Variants in NUSAP1 observed in about 807,000 individuals in gnomAD.
NUSAP1 encodes the protein nucleolar and spindle associated protein 1.
A neutral mutation model predicts 52.8 loss-of-function variants in NUSAP1; 32 were observed. That is an observed-to-expected ratio of 0.61 (90% CI 0.46 to 0.81). NUSAP1 has a LOEUF of 0.81. Among genes scored for constraint, NUSAP1 ranks in the 40% least tolerant of loss-of-function variants. The pLI is 0.00. For missense variants in NUSAP1, 499 were observed against 522.3 expected, an observed-to-expected ratio of 0.96 and a Z score of 0.43; for synonymous variants, 195 against 183.1, an observed-to-expected ratio of 1.06 and a Z score of -0.52.
intron 1 of NUSAP1, among the ~76,000 whole-genome samples, chr15:41,335,769 G>A (rs571634770): frequency 5.1e-4 from 71 of 139,002 alleles, no homozygotes; most frequent in Non-Finnish European, 6.2e-4. Context: ...TATTTATACC[G>A]GTATAAATAT....
chr15:41,362,357 ATTC>A (rs1406830786), intron 6 of NUSAP1, among the ~76,000 whole-genome samples: 1 of 150,124 alleles, frequency 6.7e-6, no homozygotes, highest in Non-Finnish European at 1.5e-5. Flanking sequence ...CTCAATTATT[ATTC>A]TTATTTATCT....
intron 1 of NUSAP1, among the ~76,000 whole-genome samples, chr15:41,341,517 G>A (rs897218902): frequency 2.0e-5 from 3 of 152,004 alleles, no homozygotes; most frequent in Admixed American, 6.6e-5. Context: ...CTAAGACCCC[G>A]TCACCTTTTG....
rs1272143124 is a variant in NUSAP1, at chr15:41,380,839, C to G, written c.*653C>G. On this transcript the variant is annotated 3_prime_UTR_variant, in exon 11 of 11. Transcript: ENST00000559596. ...AAAGCTACATAGCCCTATCGAAATG[C>G]GAGGATTAATGCTTTAATGCTTTTA... is the stretch of plus-strand genomic sequence containing the variant. 1 of 152,114 alleles carries G rather than the reference C, an allele frequency of 6.6e-6. No individual in the cohort carries two copies. Among genetic ancestry groups the G allele is most frequent in the East Asian group, 1.9e-4 (1 of 5,200 alleles). The allele number at this position is 152,114 out of a possible 1,614,324, so 9.4% of individuals were successfully genotyped here. A position where few individuals can be genotyped will look rare whatever the true frequency, so the allele number is the denominator to read the frequency against.
intron 8 of NUSAP1, among the ~76,000 whole-genome samples, chr15:41,374,207 A>G (rs2049827042): frequency 1.3e-5 from 2 of 152,182 alleles, no homozygotes. Context: ...GGCTGCTATT[A>G]TATAACAAAG....
chr15:41,337,656 C>G (rs2048207764), intron 1 of NUSAP1, among the ~76,000 whole-genome samples: 1 of 152,172 alleles, frequency 6.6e-6, no homozygotes, highest in African/African-American at 2.4e-5. Context: ...TCTTACAAAG[C>G]TTGTGTTCCC....
intron 6 of NUSAP1, among the ~76,000 whole-genome samples, chr15:41,361,330 T>G (rs968060572): frequency 3.3e-5 from 5 of 151,590 alleles, no homozygotes; most frequent in Non-Finnish European, 7.4e-5. Flanking sequence ...GAGGCAGAGG[T>G]TGCGGTGAGC....
chr15:41,380,524 G>A lies in NUSAP1; in HGVS notation c.*338G>A, dbSNP rs1346910297. 5.2e-6 allele frequency: 1 copy of A among 193,046 alleles called. No individual in the cohort carries two copies. Among genetic ancestry groups the A allele is most frequent in the Non-Finnish European group, 1.1e-5 (1 of 93,360 alleles). The allele number at this position is 193,046 out of a possible 1,614,324, so 12.0% of individuals were successfully genotyped here. On this transcript the variant is annotated 3_prime_UTR_variant, in exon 11 of 11. Coordinates refer to ENST00000559596, the MANE Select transcript of NUSAP1 (RefSeq NM_016359.5). ...TTAACAGAACTGCAGTCTTCTGCTA[G>A]CCAATAGCATTTACCTGATGGCAGC...
chr15:41,378,952 T>TTTC (rs2050098792), intron 10 of NUSAP1, among the ~76,000 whole-genome samples: 1 of 104,678 alleles, frequency 9.6e-6, no homozygotes, highest in Non-Finnish European at 1.9e-5. Flanking sequence ...TGGTTTTTTT[T>TTTC]TTTTTTTTTT....
chr15:41,365,776 A>G lies in NUSAP1; in HGVS notation c.848+187A>G, dbSNP rs770760148. ...CGCTCTGTCGCCCAGGCTGGAGTGC[A>G]GTGGCGCAATCTCAGCTCCCTGCAA... On this transcript the variant is annotated intron_variant, in intron 7 of 10. Transcript: ENST00000559596. The G allele has an allele frequency of 5.5e-5, 16 of 290,866 alleles. 1 individual carries two copies. The highest frequency in any genetic ancestry group is 1.1e-3 in the Middle Eastern group (1 of 898). 18.0% of individuals were successfully genotyped at this position (290,866 alleles called of 1,614,324 possible).
Position 41,375,472 on chromosome 15 carries a change from C to A in NUSAP1, c.1007-240C>A, listed in dbSNP as rs116108028. Among the ~76,000 whole-genome samples, 1,036 of 152,030 alleles carry A rather than the reference C, an allele frequency of 6.8e-3. 10 individuals carry two copies. The highest frequency in any genetic ancestry group is 0.024 in the African/African-American group (987 of 41,494). The stretch of plus-strand genomic sequence containing the variant: ...ATTACAGGTGTGAGCCACCACACCT[C>A]TAGATAATTTTTTGTATTTTTGTGG... On this transcript the variant is annotated intron_variant, in intron 8 of 10. Coordinates refer to ENST00000559596, the MANE Select transcript of NUSAP1 (RefSeq NM_016359.5).
At chr15:41,346,983 G>A (rs2048600168) in intron 2 of NUSAP1, among the ~76,000 whole-genome samples, 1 of 152,044 alleles carries the variant, frequency 6.6e-6, no homozygotes, top group African/African-American at 2.4e-5. Context: ...GACCAGCCTG[G>A]CCAAAATGGT....
intron 2 of NUSAP1, chr15:41,343,114 C>T (rs898222102): frequency 1.3e-5 from 2 of 152,152 alleles, no homozygotes; most frequent in African/African-American, 4.8e-5. Context: ...TATTTCTCTG[C>T]AACATTAGAA....
intron 3 of NUSAP1, 130 bp from the exon 4 acceptor site, chr15:41,350,858 G>A: frequency 5.4e-6 from 4 of 740,964 alleles, no homozygotes; most frequent in Non-Finnish European, 8.5e-6. Flanking sequence ...AACCAAATCT[G>A]CCACCAAAAA....
intron 9 of NUSAP1, among the ~76,000 whole-genome samples, chr15:41,376,381 A>G (rs2049935525): frequency 6.6e-6 from 1 of 151,968 alleles, no homozygotes; most frequent in East Asian, 1.9e-4. Flanking sequence ...CCTGGGTGAC[A>G]TAGTGAGACC....
intron 10 of NUSAP1, among the ~76,000 whole-genome samples, chr15:41,377,801 A>G (rs1343663103): frequency 2.7e-5 from 4 of 150,470 alleles, no homozygotes; most frequent in Non-Finnish European, 5.9e-5. Context: ...TCAGATCGAG[A>G]CCATCCTGGC....
At chr15:41,346,087 C>T (rs1322369715) in intron 2 of NUSAP1, among the ~76,000 whole-genome samples, 2 of 151,214 alleles carry the variant, frequency 1.3e-5, no homozygotes, top group African/African-American at 4.9e-5. Flanking sequence ...ATTACAGATG[C>T]ACACCACCAT....
At chr15:41,377,700 A>C (rs1372631360) in intron 10 of NUSAP1, among the ~76,000 whole-genome samples, 3 of 135,478 alleles carry the variant, frequency 2.2e-5, no homozygotes, top group Non-Finnish European at 4.7e-5. Flanking sequence ...CGCCGTCTCA[A>C]AAAAAAAAAA....
chr15:41,363,068 C>T (rs1421495639), intron 6 of NUSAP1, among the ~76,000 whole-genome samples: 1 of 151,890 alleles, frequency 6.6e-6, no homozygotes, highest in Non-Finnish European at 1.5e-5. Flanking sequence ...GGGTGGATCA[C>T]CTGAGGTCAG....
At chr15:41,363,336 T>C (rs965697168) in intron 6 of NUSAP1, among the ~76,000 whole-genome samples, 1 of 149,724 alleles carries the variant, frequency 6.7e-6, no homozygotes, top group Non-Finnish European at 1.5e-5. Context: ...TCTCTCTCTC[T>C]CTCTATATAT....
Sources: gnomAD v4.1 joint callset for allele counts (sites outside exome capture counted in the v4.1 genomes callset) on GRCh38, gnomAD v4.1.1 for gene constraint, MANE v1.5 for transcripts, NCBI Gene and HGNC (gene_info 2026-07-23, HGNC 2026-07-21) for gene names.